DENND2B: variants seen among roughly 807,000 people sequenced by gnomAD.
DENND2B encodes the protein DENN domain containing 2B, also known as DENN domain-containing protein 2B.
DENND2B carries 32 observed loss-of-function variants against 116.0 expected under a neutral mutation model. The observed-to-expected ratio is 0.28, with a 90% CI of 0.21 to 0.37. The LOEUF (loss-of-function observed/expected upper bound fraction) is 0.37, where lower values mean the gene tolerates loss of function less well. DENND2B is among the 10% of genes least tolerant of loss of function. DENND2B has a pLI of 1.00. For synonymous variants in DENND2B, 588 were observed against 583.9 expected (o/e 1.01, Z -0.10); for missense variants, 1,276 against 1,477.7 (o/e 0.86, Z 2.24).
intron 3 of DENND2B, among the ~76,000 whole-genome samples, chr11:8,851,931 C>A (rs1054933991): frequency 5.9e-5 from 9 of 151,998 alleles, no homozygotes; most frequent in Non-Finnish European, 1.3e-4. Flanking sequence ...GTATGAAATT[C>A]AACTAACTAA....
intron 4 of DENND2B, among the ~76,000 whole-genome samples, chr11:8,835,030 G>C (rs1490112046): frequency 1.3e-5 from 2 of 152,126 alleles, no homozygotes; most frequent in Non-Finnish European, 2.9e-5. Flanking sequence ...CGGATCAATT[G>C]AGCCCAGGAA....
chr11:8,797,570 G>C (rs974156209), intron 1 of DENND2B, among the ~76,000 whole-genome samples: 5 of 142,198 alleles, frequency 3.5e-5, no homozygotes, highest in East Asian at 2.1e-4. Context: ...CTCTGAGACA[G>C]AGTCTTGCTC....
chr11:8,777,411 T>G (rs1292208846), intron 1 of DENND2B, among the ~76,000 whole-genome samples: 2 of 152,364 alleles, frequency 1.3e-5, no homozygotes, highest in East Asian at 1.9e-4. Context: ...TTTTCATGTC[T>G]CACCCTCAGA....
At chr11:8,744,691 A>G (rs2050910521) in intron 2 of DENND2B, among the ~76,000 whole-genome samples, 1 of 152,198 alleles carries the variant, frequency 6.6e-6, no homozygotes, top group Non-Finnish European at 1.5e-5. Context: ...CAGCTGTCCC[A>G]CTGAATATAA....
At chr11:8,806,775 C>CA (rs2060897952) in intron 1 of DENND2B, among the ~76,000 whole-genome samples, 1 of 152,108 alleles carries the variant, frequency 6.6e-6, no homozygotes, top group African/African-American at 2.4e-5. Context: ...GACAGACACA[C>CA]ATAGCACCTC....
At chr11:8,892,982 A>G (rs1003907344) in intron 1 of DENND2B, among the ~76,000 whole-genome samples, 1 of 152,178 alleles carries the variant, frequency 6.6e-6, no homozygotes, top group Non-Finnish European at 1.5e-5. Flanking sequence ...AGTGAACATC[A>G]ATGCAAAAAT....
chr11:8,863,525 G>C (rs563563878), intron 2 of DENND2B, among the ~76,000 whole-genome samples: 3 of 152,090 alleles, frequency 2.0e-5, no homozygotes, highest in Non-Finnish European at 2.9e-5. Context: ...CAGCCACTGC[G>C]CCCGGCCTGC....
At chr11:8,708,130 C>T (rs1000554775) in intron 11 of DENND2B, 21 of 1,362,730 alleles carry the variant, frequency 1.5e-5, no homozygotes, top group Middle Eastern at 2.8e-4. Context: ...AGGACGCTGA[C>T]GGGGGCTGGC....
Position 8,717,901 on chromosome 11 carries a change from G to C in DENND2B, c.1478-9C>G, listed in dbSNP as rs371836957. Reference sequence around the variant, plus strand: ...CTCCTTGGGCAGATCTCCTGCAGAGGAGGAAGAGTTAGAGAAGGGGGAGAA... The same window carrying C: ...CTCCTTGGGCAGATCTCCTGCAGAGCAGGAAGAGTTAGAGAAGGGGGAGAA... On this transcript the variant is annotated splice_polypyrimidine_tract_variant and intron_variant, in intron 4 of 19. Coordinates refer to ENST00000313726, the MANE Select transcript of DENND2B (RefSeq NM_213618.2). The C allele has an allele frequency of 1.2e-6, 2 of 1,605,326 alleles. No homozygotes were observed. Among genetic ancestry groups the C allele is most frequent in the East Asian group, 4.5e-5 (2 of 44,652 alleles).
Position 8,764,942 on chromosome 11 carries a change from CAA to C in DENND2B, c.-25-14219_-25-14218del, listed in dbSNP as rs35421038. Among the ~76,000 whole-genome samples the C allele has an allele frequency of 5.1e-3, 509 of 100,258 alleles. 3 individuals carry two copies. Among genetic ancestry groups the C allele is most frequent in the African/African-American group, 0.017 (446 of 25,842 alleles). 65.8% of individuals were successfully genotyped at this position (100,258 alleles called of 152,430 possible). ...CCTGGGTGACAGAGTGAGACTGTCT[CAA>C]AAAAAAAAAAAAAAAAAAAAAGAAT... On this transcript the variant is annotated intron_variant, in intron 1 of 19. Transcript: ENST00000313726.
At chr11:8,783,086 G>A (rs951677639) in intron 1 of DENND2B, among the ~76,000 whole-genome samples, 6 of 125,036 alleles carry the variant, frequency 4.8e-5, no homozygotes, top group African/African-American at 1.6e-4. Context: ...ATGGGGTCTC[G>A]CTCTATTGCC....
At chr11:8,889,018 G>A (rs574933809) in intron 1 of DENND2B, among the ~76,000 whole-genome samples, 1 of 152,172 alleles carries the variant, frequency 6.6e-6, no homozygotes, top group African/African-American at 2.4e-5. Context: ...AAAACAGTAT[G>A]GTGATTCTGC....
intron 3 of DENND2B, among the ~76,000 whole-genome samples, chr11:8,847,918 G>A (rs1347988729): frequency 6.6e-6 from 1 of 152,126 alleles, no homozygotes; most frequent in African/African-American, 2.4e-5. Flanking sequence ...CAAAGTCTTT[G>A]AACAAATGGC....
At position 8,885,525 on chromosome 11, in the gene DENND2B, G is replaced by A. The variant is rs577603857; in HGVS notation, c.-255-4416C>T. 2.0e-5 allele frequency among the ~76,000 whole-genome samples: 3 copies of A among 152,254 alleles called. No individual in the cohort carries two copies. In the South Asian group the frequency reaches 6.2e-4, roughly 32 times the overall value. On this transcript the variant is annotated intron_variant, in intron 1 of 22. Coordinates refer to the DENND2B transcript ENST00000534127. The stretch of plus-strand genomic sequence containing the variant: ...ACATTTGCCACCACATTCTCTCAAA[G>A]ATATATTTATGCATACTTAATTAAC...
At chr11:8,761,933 A>G (rs966014745) in intron 1 of DENND2B, among the ~76,000 whole-genome samples, 2 of 152,190 alleles carry the variant, frequency 1.3e-5, no homozygotes, top group African/African-American at 2.4e-5. Context: ...GGGTACTCAG[A>G]GCCCAGTGCT....
Position 8,717,954 on chromosome 11 carries a change from C to T in DENND2B, c.1478-62G>A, listed in dbSNP as rs867157708. The T allele has an allele frequency of 1.7e-5, 26 of 1,566,562 alleles. No individual in the cohort carries two copies. In the Middle Eastern group the frequency reaches 2.5e-3, roughly 153 times the overall value. On this transcript the variant is annotated intron_variant, in intron 4 of 19. Transcript: ENST00000313726. The stretch of plus-strand genomic sequence containing the variant: ...GAAGAAGGAAACACACGAACTCACA[C>T]ACACACAAATAAACAAGCAGAATTC...
chr11:8,717,320 A>G (rs1237976100), intron 5 of DENND2B, among the ~76,000 whole-genome samples: 1 of 152,214 alleles, frequency 6.6e-6, no homozygotes, highest in Non-Finnish European at 1.5e-5. Flanking sequence ...TAATGCCAGT[A>G]CTGAGATGAC....
chr11:8,802,943 A>C (rs2060483974), intron 1 of DENND2B, among the ~76,000 whole-genome samples: 1 of 152,222 alleles, frequency 6.6e-6, no homozygotes, highest in Non-Finnish European at 1.5e-5. Flanking sequence ...AATCTGGTTG[A>C]TGGGGTTAAA....
intron 1 of DENND2B, among the ~76,000 whole-genome samples, chr11:8,886,545 A>C (rs1380286354): frequency 1.3e-5 from 2 of 151,890 alleles, no homozygotes; most frequent in African/African-American, 4.8e-5. Flanking sequence ...TGGAGAACCT[A>C]GATAAACAGA....
Sources: allele counts gnomAD v4.1 joint callset (sites outside exome capture counted in the v4.1 genomes callset), GRCh38; gene constraint gnomAD v4.1.1; transcripts MANE v1.5; gene names NCBI Gene and HGNC (gene_info 2026-07-23, HGNC 2026-07-21).